RHOBTB1: variants seen among roughly 807,000 people sequenced by gnomAD.
The protein encoded by RHOBTB1 is Rho related BTB domain containing 1, also known as rho-related BTB domain-containing protein 1.
RHOBTB1 carries 40 observed loss-of-function variants against 71.6 expected under a neutral mutation model. That is an observed-to-expected ratio of 0.56 (90% CI 0.43 to 0.73). RHOBTB1 has a LOEUF of 0.73. Ranked by LOEUF, RHOBTB1 falls within the 30% of genes least tolerant of loss-of-function variation. RHOBTB1 has a pLI of 0.00. For missense variants in RHOBTB1, 797 were observed against 894.0 expected, an observed-to-expected ratio of 0.89 and a Z score of 1.38; for synonymous variants, 319 against 334.9, an observed-to-expected ratio of 0.95 and a Z score of 0.52.
chr10:60,981,319 C>T (rs568588611), intron 2 of RHOBTB1, among the ~76,000 whole-genome samples: 7 of 152,154 alleles, frequency 4.6e-5, no homozygotes, highest in Non-Finnish European at 8.8e-5. Flanking sequence ...TAACTGTTTT[C>T]ATTTACTCAC....
chr10:60,918,568 A>G (rs1030345967), intron 2 of RHOBTB1, among the ~76,000 whole-genome samples: 1 of 151,954 alleles, frequency 6.6e-6, no homozygotes, highest in African/African-American at 2.4e-5. Flanking sequence ...AGCGTGCAAG[A>G]CTCCTCTAAC....
chr10:60,928,311 G>C (rs2084012117), intron 2 of RHOBTB1, among the ~76,000 whole-genome samples: 1 of 142,746 alleles, frequency 7.0e-6, no homozygotes, highest in South Asian at 2.4e-4. Flanking sequence ...TAATCCCACT[G>C]ATGGGTATAT....
chr10:60,878,711 G>A (rs765876407), intron 7 of RHOBTB1, among the ~76,000 whole-genome samples: 8 of 152,332 alleles, frequency 5.3e-5, no homozygotes, highest in South Asian at 2.1e-4. Context: ...CTGGGTACAG[G>A]TGAACTGTCC....
Position 60,925,391 on chromosome 10 carries a change from T to C in RHOBTB1, c.-10-13839A>G, listed in dbSNP as rs563876986. Among the ~76,000 whole-genome samples, 5 of 152,074 alleles carry C rather than the reference T, an allele frequency of 3.3e-5. No homozygotes were observed. The South Asian group carries it at 1.0e-3, about 32-fold the overall frequency. ...AAAAATTTATTGAAATAAATGAAAA[T>C]ACAAACACAACATTCCAAAACCTAT... On this transcript the variant is annotated intron_variant, in intron 2 of 10. Coordinates refer to ENST00000337910, the MANE Select transcript of RHOBTB1 (RefSeq NM_014836.5).
In RHOBTB1 at chr10:60,959,583, A is replaced by G. The variant is rs115126586; in HGVS notation, c.-61-17729T>C. ...TGAAACAAAAATGAAACAAACAAAC[A>G]AACAAATAGCTGAACTTCTCAGTCC... On this transcript the variant is annotated intron_variant, in intron 2 of 11. Coordinates refer to the RHOBTB1 transcript ENST00000357917. Among the ~76,000 whole-genome samples the G allele has an allele frequency of 3.3e-3, 495 of 152,262 alleles. 4 individuals carry two copies. Among genetic ancestry groups the G allele is most frequent in the African/African-American group, 0.011 (445 of 41,542 alleles).
intron 1 of RHOBTB1, among the ~76,000 whole-genome samples, chr10:60,990,137 C>G (rs886068880): frequency 6.6e-6 from 1 of 151,994 alleles, no homozygotes; most frequent in Non-Finnish European, 1.5e-5. Context: ...CGCCCGCCAC[C>G]ACGCCTGGAT....
chr10:60,938,730 A>AG (rs1350212730), intron 2 of RHOBTB1, among the ~76,000 whole-genome samples: 3 of 151,974 alleles, frequency 2.0e-5, no homozygotes, highest in Admixed American at 1.3e-4. Context: ...GTTTTTTTGG[A>AG]GGGGGGGTTT....
chr10:60,909,227 C>G (rs1174364301), intron 4 of RHOBTB1, among the ~76,000 whole-genome samples: 1 of 152,192 alleles, frequency 6.6e-6, no homozygotes, highest in Non-Finnish European at 1.5e-5. Context: ...AATGAAGCAG[C>G]CCTTTTATTA....
At chr10:60,880,702 G>A (rs1343392718) in intron 7 of RHOBTB1, among the ~76,000 whole-genome samples, 1 of 152,108 alleles carries the variant, frequency 6.6e-6, no homozygotes, top group Non-Finnish European at 1.5e-5. Context: ...GTGCATGCTA[G>A]ATCATCTGCA....
intron 7 of RHOBTB1, among the ~76,000 whole-genome samples, chr10:60,878,571 T>C (rs1374767897): frequency 6.6e-6 from 1 of 152,258 alleles, no homozygotes; most frequent in Non-Finnish European, 1.5e-5. Flanking sequence ...TACAATGTAC[T>C]ACACAACGTA....
chr10:60,861,298 CA>C, the RHOBTB1 span, among the ~76,000 whole-genome samples: 2 of 152,158 alleles, frequency 1.3e-5, no homozygotes, highest in African/African-American at 4.8e-5. Flanking sequence ...CATCTGTTTG[CA>C]TATGTTCCGA....
chr10:60,973,354 C>G (rs1318450701), intron 2 of RHOBTB1, among the ~76,000 whole-genome samples: 8 of 152,012 alleles, frequency 5.3e-5, no homozygotes, highest in African/African-American at 1.9e-4. Flanking sequence ...ATCTTTCTGT[C>G]TACATTCAAA....
downstream of RHOBTB1, among the ~76,000 whole-genome samples, chr10:60,866,275 GC>G (rs2080635170): frequency 6.6e-6 from 1 of 152,246 alleles, no homozygotes; most frequent in South Asian, 2.1e-4. Flanking sequence ...AGGCTAGGCA[GC>G]CCTGGAGAGC....
rs1252433940 is a variant in RHOBTB1, at chr10:60,932,547, A to G, written c.-11+9257T>C. On this transcript the variant is annotated intron_variant, in intron 2 of 10. Transcript: ENST00000337910. ...AAAAAAAAAAAGACAGAAACAAGAA[A>G]CCCTACACATGGATTTTGGAGGCCC... is the stretch of plus-strand genomic sequence containing the variant. Among the ~76,000 whole-genome samples the G allele has an allele frequency of 2.0e-5, 3 of 150,916 alleles. No individual in the cohort carries two copies. In the East Asian group the frequency reaches 5.8e-4, roughly 29 times the overall value.
intron 2 of RHOBTB1, among the ~76,000 whole-genome samples, chr10:60,933,407 A>T (rs972124382): frequency 6.6e-6 from 1 of 152,244 alleles, no homozygotes; most frequent in Non-Finnish European, 1.5e-5. Context: ...TAATAAATGT[A>T]TAGAAAAAGA....
At chr10:60,868,788 G>A (rs1306766758), downstream of RHOBTB1, among the ~76,000 whole-genome samples, 2 of 152,060 alleles carry the variant, frequency 1.3e-5, no homozygotes, top group Non-Finnish European at 2.9e-5. Context: ...AGAAGAAACC[G>A]GTATACTTTA....
chr10:60,896,909 G>T (rs2082185020), intron 4 of RHOBTB1, among the ~76,000 whole-genome samples: 1 of 152,178 alleles, frequency 6.6e-6, no homozygotes, highest in South Asian at 2.1e-4. Context: ...ATCCAAAAAT[G>T]CCTGAGCTGA....
Position 60,907,587 on chromosome 10 carries a change from G to A in RHOBTB1, c.296+3300C>T, listed in dbSNP as rs866513484. Among the ~76,000 whole-genome samples, 38 of 152,292 alleles carry A rather than the reference G, an allele frequency of 2.5e-4. No homozygotes were observed. In the South Asian group the frequency reaches 3.1e-3, roughly 12 times the overall value. ...GTTGACAGATTTCAAAGTGCAGAGCGTTACAACACTCATGCTACTCTGTTT... is the reference window on the plus strand; with the variant it reads ...GTTGACAGATTTCAAAGTGCAGAGCATTACAACACTCATGCTACTCTGTTT... On this transcript the variant is annotated intron_variant, in intron 4 of 10. Coordinates refer to ENST00000337910, the MANE Select transcript of RHOBTB1 (RefSeq NM_014836.5).
intron 2 of RHOBTB1, among the ~76,000 whole-genome samples, chr10:60,927,311 T>A (rs535590821): frequency 1.4e-4 from 21 of 152,310 alleles, no homozygotes; most frequent in African/African-American, 4.6e-4. Context: ...GACTCAAGTG[T>A]TAATCTCCTT....
Sources: allele counts gnomAD v4.1 joint callset (sites outside exome capture counted in the v4.1 genomes callset), GRCh38; gene constraint gnomAD v4.1.1; transcripts MANE v1.5; gene names NCBI Gene and HGNC (gene_info 2026-07-23, HGNC 2026-07-21).